Variants in EIF4B observed in about 807,000 individuals in gnomAD.
EIF4B encodes the protein eukaryotic translation initiation factor 4B.
EIF4B carries 8 observed loss-of-function variants against 79.3 expected under a neutral mutation model. That is an observed-to-expected ratio of 0.10 (90% CI 0.06 to 0.18). EIF4B has a LOEUF of 0.18. Ranked by LOEUF, EIF4B falls within the 10% of genes least tolerant of loss-of-function variation. The pLI is 1.00. For synonymous variants in EIF4B, 238 were observed against 274.7 expected (o/e 0.87, Z 1.32); for missense variants, 515 against 792.4 (o/e 0.65, Z 4.20).
chr12:53,028,831 A>T (rs1230651042), intron 8 of EIF4B, among the ~76,000 whole-genome samples: 11 of 152,098 alleles, frequency 7.2e-5, no homozygotes, highest in South Asian at 2.1e-4. Context: ...TGGGGTTAAA[A>T]ACGAAGCATT....
intron 2 of EIF4B, among the ~76,000 whole-genome samples, chr12:53,018,078 G>A (rs921709440): frequency 6.6e-5 from 10 of 152,126 alleles, no homozygotes; most frequent in South Asian, 2.1e-4. Flanking sequence ...TGCAACTGCC[G>A]CCTCCCGGTT....
At chr12:53,036,649 A>T (rs2056357) in intron 10 of EIF4B, among the ~76,000 whole-genome samples, 29,084 of 152,120 alleles carry the variant, frequency 0.19, 4,195 homozygotes, top group East Asian at 0.53. Flanking sequence ...CCTGGCCTCA[A>T]GCAATCCTGC....
chr12:53,023,840 C>T (rs572405331), intron 6 of EIF4B, among the ~76,000 whole-genome samples: 1 of 152,006 alleles, frequency 6.6e-6, no homozygotes, highest in Non-Finnish European at 1.5e-5. Flanking sequence ...GCTTCAGCCT[C>T]CCAAAGTGCT....
chr12:53,016,148 C>T (rs1367205697), intron 1 of EIF4B, among the ~76,000 whole-genome samples: 2 of 152,066 alleles, frequency 1.3e-5, no homozygotes, highest in African/African-American at 4.8e-5. Flanking sequence ...GAAGTAGTTA[C>T]AAAATTAAAG....
chr12:53,040,117 A>G (rs1565594596), intron 14 of EIF4B, 26 bp from the exon 15 acceptor site: 1 of 1,613,690 alleles, frequency 6.2e-7, no homozygotes. Flanking sequence ...GGCCTTCATT[A>G]TCCTGTCACT....
At chr12:53,032,017 A>G (rs1241087777) in intron 8 of EIF4B, among the ~76,000 whole-genome samples, 1 of 150,448 alleles carries the variant, frequency 6.6e-6, no homozygotes, top group Non-Finnish European at 1.5e-5. Flanking sequence ...TTCTCTTGAA[A>G]GTGTTCTGAC....
chr12:53,018,630 C>T, intron 2 of EIF4B, 168 bp from the exon 3 acceptor site: 1 of 623,948 alleles, frequency 1.6e-6, no homozygotes, highest in Non-Finnish European at 2.8e-6. Context: ...TAATTAATCT[C>T]AGAAGCTTCT....
At chr12:53,016,409 C>G in intron 1 of EIF4B, 64 bp from the exon 2 acceptor site, 5 of 1,587,104 alleles carry the variant, frequency 3.2e-6, no homozygotes, top group Non-Finnish European at 4.3e-6. Flanking sequence ...TACAATATTG[C>G]ATTGTACAAC....
At chr12:53,034,868 CTG>C (rs1943511034) in intron 10 of EIF4B, 159 bp downstream of exon 10, 1 of 712,652 alleles carries the variant, frequency 1.4e-6, no homozygotes, top group Admixed American at 2.5e-5. Context: ...TCCAAAGAAT[CTG>C]AGGAATGGGT....
chr12:53,019,433 ATATATTTTTTTTTTTTCTTTT>A (rs1943203607), intron 3 of EIF4B, among the ~76,000 whole-genome samples: 1 of 32,910 alleles, frequency 3.0e-5, no homozygotes, highest in South Asian at 1.1e-3. Flanking sequence ...TTATATATAT[ATATATTTTTTTTTTTTCTTTT>A]TTTTTTTTTT....
In EIF4B at chr12:53,010,727, A is replaced by G. The variant is rs553690335; in HGVS notation, c.13+4231A>G. On this transcript the variant is annotated intron_variant, in intron 1 of 14. Coordinates refer to ENST00000262056, the MANE Select transcript of EIF4B (RefSeq NM_001417.7). ...AGTGGCGTGGTCTCAGCTCACTGCA[A>G]TCTCCACCTCCTGGGTTCAAGCGGT... is the stretch of plus-strand genomic sequence containing the variant. 1.1e-4 allele frequency among the ~76,000 whole-genome samples: 17 copies of G among 152,136 alleles called. 1 individual carries two copies. The highest frequency in any genetic ancestry group is 3.9e-4 in the African/African-American group (16 of 41,504).
Position 53,019,425 on chromosome 12 carries a change from A to G in EIF4B, c.360+419A>G, listed in dbSNP as rs1313763893. ...AAAGAAAAAAAATAAAATCAAAATT[A>G]TATATATATATATTTTTTTTTTTTC... On this transcript the variant is annotated intron_variant, in intron 3 of 14. Coordinates refer to ENST00000262056, the MANE Select transcript of EIF4B (RefSeq NM_001417.7). Among the ~76,000 whole-genome samples, 8 of 32,726 alleles carry G rather than the reference A, an allele frequency of 2.4e-4. No individual in the cohort carries two copies. In the East Asian group the frequency reaches 9.6e-3, roughly 39 times the overall value. 21.5% of individuals were successfully genotyped at this position (32,726 alleles called of 152,430 possible). A position where few individuals can be genotyped will look rare whatever the true frequency, so the allele number is the denominator to read the frequency against.
chr12:53,039,227 T>C lies in EIF4B; in HGVS notation c.1577-11T>C. The C allele has an allele frequency of 6.3e-7, 1 of 1,580,854 alleles. No homozygotes were observed. The highest frequency in any genetic ancestry group is 1.1e-5 in the South Asian group (1 of 87,608). Reference sequence around the variant, plus strand: ...CTTGCCTTTAATTTGTTTACATTACTGCCCAAGCAGATGAAAATAAAGTAG... The same window carrying C: ...CTTGCCTTTAATTTGTTTACATTACCGCCCAAGCAGATGAAAATAAAGTAG... On this transcript the variant is annotated splice_polypyrimidine_tract_variant and intron_variant, in intron 12 of 14. Transcript: ENST00000262056.
At chr12:53,034,855 T>G (rs1943510784) in intron 10 of EIF4B, 146 bp downstream of exon 10, 6 of 800,514 alleles carry the variant, frequency 7.5e-6, no homozygotes, top group Non-Finnish European at 1.2e-5. Context: ...TCATATCTTC[T>G]GCTCCAAAGA....
At chr12:53,037,321 G>GTGGA (rs1943556229) in intron 10 of EIF4B, 88 bp from the exon 11 acceptor site, 2 of 1,447,732 alleles carry the variant, frequency 1.4e-6, no homozygotes, top group South Asian at 2.7e-5. Context: ...AAACTTGGAT[G>GTGGA]TGGACCATTT....
chr12:53,033,739 A>G lies in EIF4B; in HGVS notation c.980-67A>G, dbSNP rs1358290657. The G allele has an allele frequency of 2.0e-6, 3 of 1,485,338 alleles. No individual in the cohort carries two copies. The African/African-American group carries it at 4.2e-5, about 21-fold the overall frequency. The allele number at this position is 1,485,338 out of a possible 1,614,324, so 92.0% of individuals were successfully genotyped here. A position where few individuals can be genotyped will look rare whatever the true frequency, so the allele number is the denominator to read the frequency against. The stretch of plus-strand genomic sequence containing the variant: ...CATTTCATAGGAGTTATATCTGAGA[A>G]ATCTGGCTTTCAGCCATCAGCTTCT... On this transcript the variant is annotated intron_variant, in intron 8 of 14. Coordinates refer to ENST00000262056, the MANE Select transcript of EIF4B (RefSeq NM_001417.7).
intron 4 of EIF4B, 150 bp downstream of exon 4, chr12:53,020,176 T>G (rs568582665): frequency 6.6e-6 from 4 of 606,354 alleles, no homozygotes; most frequent in Non-Finnish European, 1.1e-5. Context: ...GTGTATCACT[T>G]AACATCGAAC....
At chr12:53,024,284 T>G (rs1943298581) in intron 6 of EIF4B, among the ~76,000 whole-genome samples, 1 of 152,118 alleles carries the variant, frequency 6.6e-6, no homozygotes, top group Admixed American at 6.6e-5. Flanking sequence ...AAATAAATAG[T>G]GGTTTGTCTG....
At chr12:53,024,942 C>T (rs1943310262) in intron 6 of EIF4B, among the ~76,000 whole-genome samples, 1 of 152,116 alleles carries the variant, frequency 6.6e-6, no homozygotes, top group African/African-American at 2.4e-5. Context: ...AGGTGTGAGC[C>T]AGCGCTCCCA....
Sources: gnomAD v4.1 joint callset for allele counts (sites outside exome capture counted in the v4.1 genomes callset) on GRCh38, gnomAD v4.1.1 for gene constraint, MANE v1.5 for transcripts, NCBI Gene and HGNC (gene_info 2026-07-23, HGNC 2026-07-21) for gene names.